Variants in CERS3 observed in about 807,000 individuals in gnomAD.
The protein encoded by CERS3 is ceramide synthase 3, also known as LAG1 homolog, ceramide synthase 3.
Under a neutral mutation model 50.3 loss-of-function variants are expected in CERS3, and 33 were observed. That is an observed-to-expected ratio of 0.66 (90% CI 0.50 to 0.88). CERS3 has a LOEUF of 0.88. Among genes scored for constraint, CERS3 ranks in the 40% least tolerant of loss-of-function variants. The pLI, the probability that CERS3 is intolerant of heterozygous loss-of-function variation, is 0.00. For synonymous variants in CERS3, 176 were observed against 155.2 expected (o/e 1.13, Z -0.99); for missense variants, 470 against 460.3 (o/e 1.02, Z -0.19).
chr15:100,417,195 C>A (rs1358180667), intron 11 of CERS3, among the ~76,000 whole-genome samples: 4 of 151,568 alleles, frequency 2.6e-5, no homozygotes, highest in African/African-American at 7.3e-5. Context: ...TAGGGAGTGC[C>A]AGACAGTGGG....
intron 3 of CERS3, among the ~76,000 whole-genome samples, chr15:100,494,536 A>C (rs2035755048): frequency 6.6e-6 from 1 of 151,996 alleles, no homozygotes; most frequent in Admixed American, 6.6e-5. Flanking sequence ...CGTGAGGCTT[A>C]GTCACCTTTT....
chr15:100,490,980 A>G, intron 3 of CERS3, 49 bp from the exon 4 acceptor site: 1 of 1,054,868 alleles, frequency 9.5e-7, no homozygotes, highest in Non-Finnish European at 1.4e-6. Flanking sequence ...GAATAAATCC[A>G]CGATGACACC....
intron 11 of CERS3, among the ~76,000 whole-genome samples, chr15:100,455,571 T>C (rs1161239487): frequency 1.3e-5 from 2 of 152,112 alleles, no homozygotes; most frequent in Admixed American, 1.3e-4. Flanking sequence ...TATGCACAAA[T>C]ATTACATATC....
chr15:100,404,460 G>A (rs2030821743), intron 11 of CERS3, among the ~76,000 whole-genome samples: 1 of 152,132 alleles, frequency 6.6e-6, no homozygotes, highest in South Asian at 2.1e-4. Flanking sequence ...GAAATTCTTT[G>A]AAAGAAATCA....
chr15:100,472,997 G>A lies in CERS3; in HGVS notation c.665C>T (p.Ser222Phe). ...HLAAISLMSF[S>F]WCANYIRSGT... is the part of the protein sequence containing the mutation. ...ACTGCGAATATAATTAGCACACCAA[G>A]AGAAGCTCATCAGACTAATAGCAGC... The change falls in exon 9 of 12, where the codon TCT becomes TTT. Residue 222 changes from serine to phenylalanine, a missense_variant. Physicochemically the swap from Ser to Phe is radical, Grantham distance 155 (BLOSUM62 -2). Coordinates refer to ENST00000679737, the MANE Select transcript of CERS3 (RefSeq NM_001378789.1). 6.2e-7 allele frequency: 1 copy of A among 1,613,968 alleles called. No individual in the cohort carries two copies. Among genetic ancestry groups the A allele is most frequent in the Non-Finnish European group, 8.5e-7 (1 of 1,179,928 alleles).
At chr15:100,471,755 G>A (rs2034976551) in intron 9 of CERS3, among the ~76,000 whole-genome samples, 1 of 152,178 alleles carries the variant, frequency 6.6e-6, no homozygotes. Context: ...GGATTTACAT[G>A]TCTAATGATG....
intron 2 of CERS3, among the ~76,000 whole-genome samples, chr15:100,510,026 C>CAA (rs10693093): frequency 0.89 from 129,195 of 144,924 alleles, 57,910 homozygotes; most frequent in Middle Eastern, 0.97. Flanking sequence ...CAAACCCAGC[C>CAA]AAAAAAAAAA....
At chr15:100,509,006 G>A (rs953470348) in intron 2 of CERS3, among the ~76,000 whole-genome samples, 1 of 152,172 alleles carries the variant, frequency 6.6e-6, no homozygotes, top group Non-Finnish European at 1.5e-5. Flanking sequence ...TTTGGGGGAA[G>A]CAATAGTAAC....
intron 2 of CERS3, among the ~76,000 whole-genome samples, chr15:100,512,691 G>A (rs537506255): frequency 6.6e-6 from 1 of 152,218 alleles, no homozygotes. Context: ...ACTGGATGCA[G>A]TGTGCCTTGA....
intron 1 of CERS3, among the ~76,000 whole-genome samples, chr15:100,534,824 T>C (rs964937869): frequency 6.6e-6 from 1 of 152,074 alleles, no homozygotes; most frequent in Non-Finnish European, 1.5e-5. Flanking sequence ...ACATTCACTC[T>C]GTGCTTGCTC....
chr15:100,461,822 G>C (rs560478204), intron 10 of CERS3, among the ~76,000 whole-genome samples: 1 of 152,234 alleles, frequency 6.6e-6, no homozygotes, highest in South Asian at 2.1e-4. Flanking sequence ...AGGACAGAGG[G>C]GACTGGAGGC....
chr15:100,466,838 TCC>T (rs1491337576), intron 10 of CERS3, among the ~76,000 whole-genome samples: 1 of 96,302 alleles, frequency 1.0e-5, no homozygotes, highest in African/African-American at 4.1e-5. Flanking sequence ...TCTCCCTCTC[TCC>T]CTCTCTCTTT....
At position 100,511,015 on chromosome 15, in the gene CERS3, C is replaced by T. The variant is rs915296713; in HGVS notation, c.-1-9165G>A. On this transcript the variant is annotated intron_variant, in intron 2 of 11. Transcript: ENST00000679737. ...CAAAAGATACCATTAAGGTCGGGCA[C>T]GGTAACTCACGCCTCTAATCCCAGC... is the stretch of plus-strand genomic sequence containing the variant. Among the ~76,000 whole-genome samples, 14 of 152,238 alleles carry T rather than the reference C, an allele frequency of 9.2e-5. No homozygotes were observed. In the East Asian group the frequency reaches 1.9e-3, roughly 21 times the overall value.
At chr15:100,437,919 A>G (rs1304612186) in intron 11 of CERS3, 9 of 152,228 alleles carry the variant, frequency 5.9e-5, no homozygotes, top group Non-Finnish European at 1.3e-4. Flanking sequence ...GAGATTAAAA[A>G]AAGAAGAAAA....
At chr15:100,492,615 T>C (rs535234823) in intron 3 of CERS3, among the ~76,000 whole-genome samples, 1 of 152,322 alleles carries the variant, frequency 6.6e-6, no homozygotes, top group African/African-American at 2.4e-5. Flanking sequence ...AGGTGTCTTT[T>C]GTGGACAACA....
At chr15:100,471,820 C>T (rs2034978072) in intron 9 of CERS3, among the ~76,000 whole-genome samples, 1 of 152,136 alleles carries the variant, frequency 6.6e-6, no homozygotes, top group African/African-American at 2.4e-5. Flanking sequence ...TTAATAGTGG[C>T]CAGTTGCTTT....
At chr15:100,504,733 G>A (rs977212060) in intron 2 of CERS3, among the ~76,000 whole-genome samples, 1 of 152,176 alleles carries the variant, frequency 6.6e-6, no homozygotes, top group Non-Finnish European at 1.5e-5. Context: ...CTGCAGACTT[G>A]ATCTGGGTAC....
chr15:100,469,482 A>G lies in CERS3; in HGVS notation c.741T>C (p.Ser247=), dbSNP rs771715153. ...VHDVADIWLE[S]AKMFSYAGWT... is the part of the protein sequence containing the mutation. ...ATCCAGCATAAGAAAACATCTTAGC[A>G]GACTGCAAAAAAGAAAGAAACTGCA... The change falls in exon 10 of 12, where the codon TCT becomes TCC. Residue 247 remains serine, a splice_region_variant and synonymous_variant. Transcript: ENST00000679737. The G allele has an allele frequency of 2.5e-6, 4 of 1,604,976 alleles. No individual in the cohort carries two copies. In the African/African-American group the frequency reaches 4.0e-5, roughly 16 times the overall value.
At chr15:100,405,256 AAAC>A (rs2030919671) in intron 11 of CERS3, among the ~76,000 whole-genome samples, 1 of 148,812 alleles carries the variant, frequency 6.7e-6, no homozygotes, top group Non-Finnish European at 1.5e-5. Context: ...AAACAAAAAA[AAAC>A]CCCTAATTTA....
Sources: gnomAD v4.1 joint callset for allele counts (sites outside exome capture counted in the v4.1 genomes callset) on GRCh38, gnomAD v4.1.1 for gene constraint, MANE v1.5 for transcripts, NCBI Gene and HGNC (gene_info 2026-07-23, HGNC 2026-07-21) for gene names.